Variants in RAPGEF2 observed in about 807,000 individuals in gnomAD.
RAPGEF2 encodes the protein Rap guanine nucleotide exchange factor 2.
In RAPGEF2, 54 loss-of-function variants were observed where a neutral mutation model predicts 186.7. The observed-to-expected ratio is 0.29, with a 90% CI of 0.23 to 0.36. RAPGEF2 has a LOEUF of 0.36. Among genes scored for constraint, RAPGEF2 ranks in the 10% least tolerant of loss-of-function variants. The pLI, the probability that RAPGEF2 is intolerant of heterozygous loss-of-function variation, is 1.00. For synonymous variants in RAPGEF2, 712 were observed against 705.9 expected, an observed-to-expected ratio of 1.01 and a Z score of -0.14; for missense variants, 1,532 against 2,045.0, an observed-to-expected ratio of 0.75 and a Z score of 4.84.
chr4:159,172,533 G>T (rs1746019489), intron 1 of RAPGEF2, among the ~76,000 whole-genome samples: 1 of 152,074 alleles, frequency 6.6e-6, no homozygotes, highest in Admixed American at 6.6e-5. Flanking sequence ...AAATGTTGGG[G>T]GTGGGATGTC....
chr4:159,236,973 A>T (rs750008008), intron 4 of RAPGEF2, among the ~76,000 whole-genome samples: 9 of 151,974 alleles, frequency 5.9e-5, no homozygotes, highest in Non-Finnish European at 7.4e-5. Context: ...ATATCAAAAA[A>T]TTTTTTTTCA....
chr4:159,345,086 T>C lies in RAPGEF2; in HGVS notation c.3279-20T>C, dbSNP rs1730093797. 6.3e-7 allele frequency: 1 copy of C among 1,591,894 alleles called. No homozygotes were observed. Among genetic ancestry groups the C allele is most frequent in the African/African-American group, 1.3e-5 (1 of 74,464 alleles). On this transcript the variant is annotated intron_variant, in intron 23 of 29. Transcript: ENST00000691494. ...CTCCCATGCTAGAGTGAGCTGCATA[T>C]GTACCTTTTCATCTTCCAGGTCTCT...
At chr4:159,332,176 A>C (rs2111208355) in intron 16 of RAPGEF2, 142 bp downstream of exon 16, 1 of 663,882 alleles carries the variant, frequency 1.5e-6, no homozygotes, top group East Asian at 2.8e-5. Context: ...AATATTTTTA[A>C]TCTGTCTTTA....
At chr4:159,316,054 G>A (rs1025875488) in intron 9 of RAPGEF2, among the ~76,000 whole-genome samples, 1 of 152,122 alleles carries the variant, frequency 6.6e-6, no homozygotes, top group Admixed American at 6.5e-5. Flanking sequence ...TGAGGCTACC[G>A]CTAGACCATG....
intron 7 of RAPGEF2, among the ~76,000 whole-genome samples, chr4:159,260,881 C>T (rs942304458): frequency 9.2e-5 from 14 of 151,864 alleles, no homozygotes; most frequent in Admixed American, 2.6e-4. Flanking sequence ...CCCAAGTAGC[C>T]GGGATTACAG....
At chr4:159,295,100 C>G (rs1477125978) in intron 7 of RAPGEF2, among the ~76,000 whole-genome samples, 2 of 152,142 alleles carry the variant, frequency 1.3e-5, no homozygotes, top group Admixed American at 6.5e-5. Context: ...TTATACAATA[C>G]AGGCCCCCTC....
At chr4:159,169,425 C>T (rs1355535490) in intron 1 of RAPGEF2, among the ~76,000 whole-genome samples, 2 of 151,978 alleles carry the variant, frequency 1.3e-5, no homozygotes, top group Non-Finnish European at 2.9e-5. Flanking sequence ...TACATATTAC[C>T]TCAACTTATT....
chr4:159,219,836 A>C (rs888659083), intron 4 of RAPGEF2, among the ~76,000 whole-genome samples: 5 of 152,214 alleles, frequency 3.3e-5, no homozygotes, highest in Non-Finnish European at 7.3e-5. Context: ...CTTCTGTCCT[A>C]AACTGCTCAC....
At chr4:159,198,337 T>C (rs1749020291) in intron 3 of RAPGEF2, among the ~76,000 whole-genome samples, 1 of 141,888 alleles carries the variant, frequency 7.0e-6, no homozygotes, top group African/African-American at 2.7e-5. Context: ...TTTCTTTCTT[T>C]TTCTTTCTCT....
intron 1 of RAPGEF2, among the ~76,000 whole-genome samples, chr4:159,131,353 G>A (rs148842143): frequency 2.0e-5 from 3 of 152,030 alleles, no homozygotes; most frequent in African/African-American, 7.2e-5. Flanking sequence ...CAGGTGATCC[G>A]CCTATCTTGG....
intron 2 of RAPGEF2, among the ~76,000 whole-genome samples, chr4:159,187,064 A>G (rs543960495): frequency 6.6e-6 from 1 of 152,326 alleles, no homozygotes; most frequent in South Asian, 2.1e-4. Context: ...TTTATAGATC[A>G]CTTACTGTAG....
chr4:159,209,355 A>C (rs1263854873), intron 3 of RAPGEF2, among the ~76,000 whole-genome samples: 1 of 152,242 alleles, frequency 6.6e-6, no homozygotes, highest in African/African-American at 2.4e-5. Context: ...CATTTTCACC[A>C]AGCCGATTGG....
chr4:159,242,350 CTTT>C (rs574582520), intron 6 of RAPGEF2, among the ~76,000 whole-genome samples: 1 of 151,286 alleles, frequency 6.6e-6, no homozygotes, highest in Non-Finnish European at 1.5e-5. Flanking sequence ...TTTCCTTTAC[CTTT>C]TTTTTCTTTC....
At chr4:159,263,612 C>G (rs944953932) in intron 7 of RAPGEF2, among the ~76,000 whole-genome samples, 5 of 152,060 alleles carry the variant, frequency 3.3e-5, no homozygotes, top group African/African-American at 4.8e-5. Context: ...ACTACTAACT[C>G]TATAATCTTA....
intron 7 of RAPGEF2, among the ~76,000 whole-genome samples, chr4:159,259,639 A>G (rs566327875): frequency 6.6e-6 from 1 of 152,314 alleles, no homozygotes; most frequent in East Asian, 1.9e-4. Context: ...TTGCAGAAAG[A>G]TCTTTTGTAG....
chr4:159,319,097 T>C lies in RAPGEF2; in HGVS notation c.854-3250T>C, dbSNP rs553123769. 6.6e-5 allele frequency among the ~76,000 whole-genome samples: 10 copies of C among 152,288 alleles called. No individual in the cohort carries two copies. In the South Asian group the frequency reaches 2.1e-3, roughly 32 times the overall value. ...CCAGGCTCTGAATTCTTGGCTATCC[T>C]AAGCCCTTTTAAGTCTGTATGATAC... On this transcript the variant is annotated intron_variant, in intron 9 of 29. Transcript: ENST00000691494.
chr4:159,119,843 T>A (rs1739464655), intron 1 of RAPGEF2, among the ~76,000 whole-genome samples: 1 of 152,254 alleles, frequency 6.6e-6, no homozygotes, highest in South Asian at 2.1e-4. Flanking sequence ...ATATGATATT[T>A]TCTAAATTGG....
intron 7 of RAPGEF2, among the ~76,000 whole-genome samples, chr4:159,293,092 T>C (rs1193646682): frequency 6.6e-6 from 1 of 152,218 alleles, no homozygotes; most frequent in Non-Finnish European, 1.5e-5. Flanking sequence ...GAAAATGTTA[T>C]ATACAAAATT....
At chr4:159,177,166 A>G (rs1746524609) in intron 1 of RAPGEF2, among the ~76,000 whole-genome samples, 1 of 152,148 alleles carries the variant, frequency 6.6e-6, no homozygotes, top group Admixed American at 6.5e-5. Flanking sequence ...TGGATTTATA[A>G]AACAGACAAT....
Sources: allele counts gnomAD v4.1 joint callset (sites outside exome capture counted in the v4.1 genomes callset), GRCh38; gene constraint gnomAD v4.1.1; transcripts MANE v1.5; gene names NCBI Gene and HGNC (gene_info 2026-07-23, HGNC 2026-07-21).